The following L3MBTL4 variants were observed in gnomAD, a reference collection of about 807,000 sequenced individuals.
L3MBTL4 encodes lethal(3)malignant brain tumor-like protein 4.
Under a neutral mutation model 84.5 loss-of-function variants are expected in L3MBTL4, and 70 were observed. The observed-to-expected ratio is 0.83, with a 90% confidence interval of 0.68 to 1.01. The LOEUF is 1.01. Among genes scored for constraint, L3MBTL4 ranks in the 50% least tolerant of loss-of-function variants. L3MBTL4 has a pLI of 0.00. For synonymous variants in L3MBTL4, 274 were observed against 259.8 expected, an observed-to-expected ratio of 1.05 and a Z score of -0.52; for missense variants, 715 against 754.8, an observed-to-expected ratio of 0.95 and a Z score of 0.62.
chr18:6,269,970 G>A (rs2048796283), intron 4 of L3MBTL4, among the ~76,000 whole-genome samples: 1 of 152,142 alleles, frequency 6.6e-6, no homozygotes. Context: ...CTTAAGAGTG[G>A]CCCTTTCCCA....
chr18:6,141,628 T>C (rs1294196344), intron 13 of L3MBTL4, among the ~76,000 whole-genome samples: 2 of 152,158 alleles, frequency 1.3e-5, no homozygotes, highest in Non-Finnish European at 2.9e-5. Flanking sequence ...CTCTCCCTCA[T>C]TTCATGCCAC....
At chr18:6,196,073 C>T (rs539884685) in intron 12 of L3MBTL4, among the ~76,000 whole-genome samples, 11 of 151,980 alleles carry the variant, frequency 7.2e-5, no homozygotes, top group South Asian at 4.2e-4. Flanking sequence ...CCCAGGAGAA[C>T]ATCTACATCA....
intron 16 of L3MBTL4, among the ~76,000 whole-genome samples, chr18:6,074,387 C>A (rs965023067): frequency 8.5e-5 from 13 of 152,164 alleles, no homozygotes; most frequent in Non-Finnish European, 1.8e-4. Context: ...GGGTTTATCA[C>A]TGGGTGACAA....
intron 13 of L3MBTL4, among the ~76,000 whole-genome samples, chr18:6,151,380 A>AT (rs148239742): frequency 0.034 from 5,140 of 152,080 alleles, 311 homozygotes; most frequent in African/African-American, 0.12. Flanking sequence ...GCTACAATTA[A>AT]TTTTTTTAAT....
intron 16 of L3MBTL4, among the ~76,000 whole-genome samples, chr18:6,016,894 G>C (rs1036479939): frequency 2.6e-5 from 4 of 152,156 alleles, no homozygotes; most frequent in Non-Finnish European, 4.4e-5. Context: ...GCTGTGGAGA[G>C]AGAGCCTGTG....
chr18:6,275,084 G>A (rs1057371942), intron 4 of L3MBTL4, among the ~76,000 whole-genome samples: 1 of 152,138 alleles, frequency 6.6e-6, no homozygotes, highest in Non-Finnish European at 1.5e-5. Flanking sequence ...CATTGCAGGA[G>A]AAAGTTCAAG....
chr18:6,202,421 G>A (rs2045686458), intron 12 of L3MBTL4, among the ~76,000 whole-genome samples: 1 of 152,102 alleles, frequency 6.6e-6, no homozygotes, highest in Admixed American at 6.6e-5. Flanking sequence ...ATGCAAGGGA[G>A]TCATGTGGTC....
chr18:6,283,674 A>G (rs892247266), intron 4 of L3MBTL4, among the ~76,000 whole-genome samples: 7 of 152,206 alleles, frequency 4.6e-5, no homozygotes, highest in Non-Finnish European at 8.8e-5. Flanking sequence ...AGTCAAACAC[A>G]TTACAAACAT....
chr18:6,280,557 A>G (rs529951298), intron 4 of L3MBTL4, among the ~76,000 whole-genome samples: 39 of 152,358 alleles, frequency 2.6e-4, no homozygotes, highest in Non-Finnish European at 4.7e-4. Context: ...ATTGTTCTGT[A>G]GCTTCAAATG....
chr18:6,014,068 C>T (rs1017151871), intron 16 of L3MBTL4, among the ~76,000 whole-genome samples: 4 of 152,180 alleles, frequency 2.6e-5, no homozygotes, highest in Admixed American at 2.0e-4. Flanking sequence ...TGGCCAGAGA[C>T]TTCATTACTC....
chr18:6,025,793 C>T (rs941221887), intron 16 of L3MBTL4, among the ~76,000 whole-genome samples: 3 of 152,200 alleles, frequency 2.0e-5, no homozygotes, highest in Admixed American at 1.3e-4. Flanking sequence ...GGTTCACGCT[C>T]CTATGAGAAT....
At position 6,176,771 on chromosome 18, in the gene L3MBTL4, G is replaced by A. The variant is rs772231551; in HGVS notation, c.982-4829C>T. Among the ~76,000 whole-genome samples, 3 of 151,956 alleles carry A rather than the reference G, an allele frequency of 2.0e-5. 1 individual carries two copies. In the Middle Eastern group the frequency reaches 0.01, roughly 517 times the overall value. On this transcript the variant is annotated intron_variant, in intron 12 of 18. Transcript: ENST00000317931. ...AAGAAAAATATGAAGTGAGCCACAG[G>A]CATTTGCAATACATTTATCTGACAA...
intron 14 of L3MBTL4, among the ~76,000 whole-genome samples, chr18:6,136,699 A>G (rs1199779696): frequency 6.6e-6 from 1 of 152,154 alleles, no homozygotes; most frequent in Non-Finnish European, 1.5e-5. Flanking sequence ...CCCCCCTAAA[A>G]ATTCTGTAAT....
In L3MBTL4 at chr18:6,029,761, G is replaced by GA. The variant is rs1181248873; in HGVS notation, c.1444+51119dup. The GA allele has an allele frequency of 2.9e-5, 29 of 985,198 alleles. No individual in the cohort carries two copies. The Admixed American group carries it at 6.1e-4, about 21-fold the overall frequency. The allele number at this position is 985,198 out of a possible 1,614,324, so 61.0% of individuals were successfully genotyped here. A position where few individuals can be genotyped will look rare whatever the true frequency, so the allele number is the denominator to read the frequency against. ...ATCCAAAAATTAACCAACTGGAATG[G>GA]AAAAAAGTTGTACCAGAAAAACTGA... On this transcript the variant is annotated intron_variant, in intron 16 of 18. Transcript: ENST00000317931.
At chr18:6,169,306 T>C (rs2043845038) in intron 13 of L3MBTL4, among the ~76,000 whole-genome samples, 2 of 152,222 alleles carry the variant, frequency 1.3e-5, no homozygotes, top group Admixed American at 6.5e-5. Flanking sequence ...AAATACCATT[T>C]GACCCAGCCA....
rs1409242101 is a variant in L3MBTL4, at chr18:6,165,628, A to G, written c.1096+6200T>C. 4.6e-5 allele frequency among the ~76,000 whole-genome samples: 7 copies of G among 152,106 alleles called. No individual in the cohort carries two copies. In the East Asian group the frequency reaches 7.7e-4, roughly 17 times the overall value. ...TAAAATACTTTACAGACAAGCAAAC[A>G]CTGAGAGATTTTGTCACCACCAGGC... On this transcript the variant is annotated intron_variant, in intron 13 of 18. Coordinates refer to ENST00000317931, the MANE Select transcript of L3MBTL4 (RefSeq NM_001330559.2).
intron 16 of L3MBTL4, among the ~76,000 whole-genome samples, chr18:6,063,140 A>G (rs1042969865): frequency 2.6e-5 from 4 of 151,872 alleles, no homozygotes; most frequent in African/African-American, 9.7e-5. Context: ...CCAGCTCTGC[A>G]CAAGTTGCTA....
At position 6,016,343 on chromosome 18, in the gene L3MBTL4, G is replaced by A. The variant is rs1472667320; in HGVS notation, c.1445-46781C>T. 3.9e-5 allele frequency among the ~76,000 whole-genome samples: 6 copies of A among 152,290 alleles called. No individual in the cohort carries two copies. The East Asian group carries it at 1.2e-3, about 29-fold the overall frequency. Reference sequence around the variant, plus strand: ...GCCAACTACAATGGTCACTCCTTAGGCACCATTTGGCTCTGATCTGTGTAA... The same window carrying A: ...GCCAACTACAATGGTCACTCCTTAGACACCATTTGGCTCTGATCTGTGTAA... On this transcript the variant is annotated intron_variant, in intron 16 of 18. Coordinates refer to ENST00000317931, the MANE Select transcript of L3MBTL4 (RefSeq NM_001330559.2).
chr18:6,393,559 T>C (rs769386607), intron 1 of L3MBTL4, among the ~76,000 whole-genome samples: 7 of 152,146 alleles, frequency 4.6e-5, no homozygotes, highest in South Asian at 2.1e-4. Flanking sequence ...CCCAAGACTA[T>C]CTCCATCTCA....
Sources: gnomAD v4.1 joint callset for allele counts (sites outside exome capture counted in the v4.1 genomes callset) on GRCh38, gnomAD v4.1.1 for gene constraint, MANE v1.5 for transcripts, NCBI Gene and HGNC (gene_info 2026-07-23, HGNC 2026-07-21) for gene names.